Variants in SCN2A observed in about 807,000 individuals in gnomAD.
SCN2A encodes the protein sodium voltage-gated channel alpha subunit 2, also known as sodium channel protein type 2 subunit alpha.
SCN2A carries 20 observed loss-of-function variants against 188.7 expected under a neutral mutation model. The ratio of observed to expected loss-of-function variants is 0.11; its 90% CI spans 0.07 to 0.15. The LOEUF (loss-of-function observed/expected upper bound fraction) is 0.15. Ranked by LOEUF, SCN2A falls within the 10% of genes least tolerant of loss-of-function variation. The pLI, the probability that SCN2A is intolerant of heterozygous loss-of-function variation, is 1.00. For missense variants in SCN2A, 1,278 were observed against 2,445.0 expected, an observed-to-expected ratio of 0.52 and a Z score of 10.07; for synonymous variants, 804 against 833.1, an observed-to-expected ratio of 0.97 and a Z score of 0.60.
intron 19 of SCN2A, among the ~76,000 whole-genome samples, chr2:165,369,864 G>C (rs1251308806): frequency 1.3e-5 from 2 of 152,140 alleles, no homozygotes. Flanking sequence ...AGAAGCAGCT[G>C]GCAGTCTCTC....
intron 14 of SCN2A, among the ~76,000 whole-genome samples, chr2:165,333,850 AAC>A (rs1259877603): frequency 2.6e-5 from 4 of 151,608 alleles, no homozygotes; most frequent in African/African-American, 9.7e-5. Flanking sequence ...TGAAAAAATC[AAC>A]ACAATTGACA....
chr2:165,294,856 G>A (rs1696419686), intron 1 of SCN2A, among the ~76,000 whole-genome samples: 1 of 152,116 alleles, frequency 6.6e-6, no homozygotes, highest in African/African-American at 2.4e-5. Context: ...ATAAGAGTTT[G>A]CTTGAAAAGA....
Position 165,342,312 on chromosome 2 carries a change from T to C in SCN2A, c.2405T>C (p.Phe802Ser). The C allele has an allele frequency of 6.2e-7, 1 of 1,613,870 alleles. No homozygotes were observed. Among genetic ancestry groups the C allele is most frequent in the Non-Finnish European group, 8.5e-7 (1 of 1,179,866 alleles). ...SVGNLVFTGI[F>S]TAEMFLKIIA... The stretch of plus-strand genomic sequence containing the variant: ...CTCATTTAGGTCTTCACAGGGATCT[T>C]CACAGCAGAAATGTTTCTCAAGATA... The change falls in exon 15 of 27, where the codon TTC becomes TCC. Residue 802 changes from phenylalanine to serine, a missense_variant. Physicochemically the swap from Phe to Ser is radical, Grantham distance 155. This residue lies in a region of SCN2A where 83 missense variants were observed against 256.8 expected (regional missense o/e 0.32). Transcript: ENST00000375437.
At chr2:165,246,706 T>G (rs1172595709) in intron 1 of SCN2A, among the ~76,000 whole-genome samples, 1 of 152,106 alleles carries the variant, frequency 6.6e-6, no homozygotes, top group Non-Finnish European at 1.5e-5. Context: ...TGGCTAAATC[T>G]TCATCCTCAT....
chr2:165,350,979 A>G (rs1317871681), intron 16 of SCN2A, among the ~76,000 whole-genome samples: 1 of 152,228 alleles, frequency 6.6e-6, no homozygotes, highest in African/African-American at 2.4e-5. Context: ...TCAAAGGTTC[A>G]CTATGTGCCA....
In SCN2A at chr2:165,389,638, C is replaced by G. The variant is rs1268874177; in HGVS notation, c.5832C>G (p.Pro1944=). 1.2e-6 allele frequency: 2 copies of G among 1,613,746 alleles called. No individual in the cohort carries two copies. The highest frequency in any genetic ancestry group is 1.7e-6 in the Non-Finnish European group (2 of 1,179,804). Residue 1944 remains proline (P), a synonymous_variant, in exon 27 of 27, where the codon CCC becomes CCG. Coordinates refer to ENST00000375437, the MANE Select transcript of SCN2A (RefSeq NM_001040142.2). The surrounding 1 kb of genome is among the most constrained non-coding windows in gnomAD (Gnocchi z 4.2). The part of the protein sequence containing the change: ...KDKGKECDGT[P]IKEDTLIDKL... Reference sequence around the variant, plus strand: ...AAGGCAAAGAATGTGATGGAACACCCATCAAAGAAGATACTCTCATTGATA... The same window carrying G: ...AAGGCAAAGAATGTGATGGAACACCGATCAAAGAAGATACTCTCATTGATA...
chr2:165,356,934 T>G (rs1700210401), intron 17 of SCN2A, among the ~76,000 whole-genome samples: 1 of 152,184 alleles, frequency 6.6e-6, no homozygotes, highest in African/African-American at 2.4e-5. Context: ...AATTCAGTAT[T>G]TCAGAATTGG....
At chr2:165,283,638 C>T (rs998498922) in intron 1 of SCN2A, among the ~76,000 whole-genome samples, 2 of 152,154 alleles carry the variant, frequency 1.3e-5, no homozygotes, top group Non-Finnish European at 2.9e-5. Context: ...TGTCTAATAG[C>T]AGTGGACCTG....
chr2:165,254,522 A>T (rs902746466), intron 1 of SCN2A, among the ~76,000 whole-genome samples: 9 of 151,658 alleles, frequency 5.9e-5, no homozygotes, highest in African/African-American at 2.2e-4. Context: ...TTGTTTCTAG[A>T]TAATATCAAT....
intron 1 of SCN2A, chr2:165,271,435 A>G (rs920086431): frequency 1.3e-5 from 2 of 152,142 alleles, no homozygotes; most frequent in Non-Finnish European, 2.9e-5. Context: ...CTGTCAACTG[A>G]AAGAGAGTCA....
At chr2:165,316,100 G>C (rs1697732970) in intron 11 of SCN2A, among the ~76,000 whole-genome samples, 1 of 152,056 alleles carries the variant, frequency 6.6e-6, no homozygotes, top group Non-Finnish European at 1.5e-5. Context: ...GTGAACTTTG[G>C]GTTTTCTGAG....
chr2:165,314,561 G>A (rs1697628981), intron 10 of SCN2A, among the ~76,000 whole-genome samples: 1 of 152,154 alleles, frequency 6.6e-6, no homozygotes, highest in African/African-American at 2.4e-5. Flanking sequence ...GTCTGGAAAG[G>A]CAAAGGCTTA....
chr2:165,325,282 C>A (rs1402200125), intron 12 of SCN2A, among the ~76,000 whole-genome samples: 1 of 152,134 alleles, frequency 6.6e-6, no homozygotes, highest in Non-Finnish European at 1.5e-5. Context: ...CAGCTTGAAG[C>A]AAAGCTTTGT....
chr2:165,303,400 G>A (rs374741041), intron 3 of SCN2A, among the ~76,000 whole-genome samples: 5 of 149,672 alleles, frequency 3.3e-5, no homozygotes, highest in East Asian at 4.1e-4. Context: ...CTCAGCCTCC[G>A]GAGTAGCTGG....
intron 17 of SCN2A, 140 bp from the exon 18 acceptor site, chr2:165,365,003 G>C: frequency 1.3e-6 from 1 of 777,784 alleles, no homozygotes; most frequent in South Asian, 1.6e-5. Flanking sequence ...TACCAAAGCG[G>C]ATTGGCATTA....
intron 15 of SCN2A, among the ~76,000 whole-genome samples, chr2:165,343,376 A>G (rs1408631080): frequency 3.9e-5 from 6 of 152,210 alleles, no homozygotes; most frequent in African/African-American, 1.4e-4. Flanking sequence ...ATTTGAATCT[A>G]GAAGGATGCA....
At position 165,309,348 on chromosome 2, in the gene SCN2A, A is replaced by G; in HGVS notation, c.606-4A>G. On this transcript the variant is annotated splice_region_variant and splice_polypyrimidine_tract_variant and intron_variant, in intron 5 of 26. Transcript: ENST00000375437. ...TGTGTTTGTGTGTGAACCCCCTATT[A>G]CAGATATGTGACAGAGTTTGTGGAC... 1.2e-6 allele frequency: 2 copies of G among 1,613,588 alleles called. No individual in the cohort carries two copies. Among genetic ancestry groups the G allele is most frequent in the Non-Finnish European group, 8.5e-7 (1 of 1,179,696 alleles).
At chr2:165,309,966 A>G (rs1034200418) in intron 6 of SCN2A, among the ~76,000 whole-genome samples, 1 of 152,164 alleles carries the variant, frequency 6.6e-6, no homozygotes, top group Non-Finnish European at 1.5e-5. Flanking sequence ...AGACTTTTCT[A>G]AAACCAATAA....
At chr2:165,278,275 C>G (rs1695431559) in intron 1 of SCN2A, among the ~76,000 whole-genome samples, 1 of 152,136 alleles carries the variant, frequency 6.6e-6, no homozygotes, top group South Asian at 2.1e-4. Flanking sequence ...CCATAAAGAA[C>G]TGCCTGAGAC....
Sources: allele counts gnomAD v4.1 joint callset (sites outside exome capture counted in the v4.1 genomes callset), GRCh38; gene constraint gnomAD v4.1.1; regional missense constraint gnomAD v4.1.1; non-coding constraint Gnocchi (gnomAD v3.1); transcripts MANE v1.5; gene names NCBI Gene and HGNC (gene_info 2026-07-23, HGNC 2026-07-21).